Variants in WWOX observed in about 807,000 individuals in gnomAD.
WWOX encodes WW domain-containing oxidoreductase.
A neutral mutation model predicts 46.2 loss-of-function variants in WWOX; 69 were observed. That is an observed-to-expected ratio of 1.49 (90% CI 1.23 to 1.82). The LOEUF (loss-of-function observed/expected upper bound fraction) is 1.82, where lower values mean the gene tolerates loss of function less well. WWOX is among the 40% of genes most tolerant of loss of function. The pLI, the probability that WWOX is intolerant of heterozygous loss-of-function variation, is 0.00. For missense variants in WWOX, 919 were observed against 542.6 expected (o/e 1.69, Z -6.89); for synonymous variants, 359 against 202.6 (o/e 1.77, Z -6.56).
chr16:78,187,706 C>A (rs897894648), intron 5 of WWOX, among the ~76,000 whole-genome samples: 1 of 152,180 alleles, frequency 6.6e-6, no homozygotes, highest in Non-Finnish European at 1.5e-5. Context: ...TAACAGAAAT[C>A]GGTTCCTTAA....
intron 3 of WWOX, 83 bp downstream of exon 3, chr16:78,109,918 G>C: frequency 7.0e-7 from 1 of 1,426,666 alleles, no homozygotes; most frequent in East Asian, 2.4e-5. Context: ...CATAGTAACT[G>C]TAGAAAAATA....
At chr16:78,330,688 C>T (rs2080735493) in intron 5 of WWOX, among the ~76,000 whole-genome samples, 1 of 152,218 alleles carries the variant, frequency 6.6e-6, no homozygotes, top group Non-Finnish European at 1.5e-5. Flanking sequence ...AACCACCGTG[C>T]CCGGCAGGGA....
At chr16:79,186,170 G>C (rs1460799348) in intron 8 of WWOX, among the ~76,000 whole-genome samples, 1 of 152,086 alleles carries the variant, frequency 6.6e-6, no homozygotes, top group Non-Finnish European at 1.5e-5. Context: ...ACTTATTTGG[G>C]GTGGCTGAGA....
At chr16:78,275,814 TG>T (rs1218452783) in intron 5 of WWOX, among the ~76,000 whole-genome samples, 1 of 152,148 alleles carries the variant, frequency 6.6e-6, no homozygotes, top group Non-Finnish European at 1.5e-5. Flanking sequence ...CAAACCAGTT[TG>T]GGTGAATTTC....
In WWOX at chr16:78,345,020, G is replaced by C. The variant is rs1402027057; in HGVS notation, c.517-41840G>C. Among the ~76,000 whole-genome samples, 4 of 119,998 alleles carry C rather than the reference G, an allele frequency of 3.3e-5. 1 individual carries two copies. The highest frequency in any genetic ancestry group is 7.9e-5 in the Non-Finnish European group (4 of 50,498). The allele number at this position is 119,998 out of a possible 152,430, so 78.7% of individuals were successfully genotyped here. A position where few individuals can be genotyped will look rare whatever the true frequency, so the allele number is the denominator to read the frequency against. ...CGGGAGTTTAGCCTAGTCCCCACTT[G>C]ATAAGATGGTTGTGGAAAGTATTGT... On this transcript the variant is annotated intron_variant, in intron 5 of 8. Transcript: ENST00000566780.
At chr16:79,114,401 TATGCACATACCTACATGC>T (rs1322597974) in intron 8 of WWOX, among the ~76,000 whole-genome samples, 65 of 151,750 alleles carry the variant, frequency 4.3e-4, no homozygotes, top group East Asian at 3.4e-3. Context: ...TATCTACATG[TATGCACATACCTACATGC>T]ATGCACATAC....
At chr16:78,243,164 A>G (rs564054245) in intron 5 of WWOX, among the ~76,000 whole-genome samples, 2 of 152,202 alleles carry the variant, frequency 1.3e-5, no homozygotes, top group South Asian at 4.1e-4. Flanking sequence ...TGTTTTTGAA[A>G]TACAAATATC....
intron 5 of WWOX, among the ~76,000 whole-genome samples, chr16:78,321,163 C>A (rs1465200390): frequency 6.6e-6 from 1 of 151,736 alleles, no homozygotes; most frequent in Admixed American, 6.6e-5. Context: ...ATGTATAGGC[C>A]TTAATTGAAA....
rs530125350 is a variant in WWOX, at chr16:78,635,725, A to G, written c.1056+202973A>G. On this transcript the variant is annotated intron_variant, in intron 8 of 8. Transcript: ENST00000566780. ...GTCAACATCATCTCCGTCCACATCA[A>G]TGTCGTCATCGTCCTTATGAAAAGC... 4.6e-5 allele frequency among the ~76,000 whole-genome samples: 7 copies of G among 152,266 alleles called. No individual in the cohort carries two copies. The East Asian group carries it at 9.7e-4, about 21-fold the overall frequency.
rs140275478 is a variant in WWOX, at chr16:78,347,151, T to C, written c.517-39709T>C. 1.2e-4 allele frequency among the ~76,000 whole-genome samples: 14 copies of C among 119,168 alleles called. No homozygotes were observed. In the East Asian group the frequency reaches 2.7e-3, roughly 23 times the overall value. 78.2% of individuals were successfully genotyped at this position (119,168 alleles called of 152,430 possible). On this transcript the variant is annotated intron_variant, in intron 5 of 8. Coordinates refer to ENST00000566780, the MANE Select transcript of WWOX (RefSeq NM_016373.4). ...TGCAGTCATCGTCACAATCAAGCCA[T>C]AGCTTCTTTTAAACTTTGTCTTCCT...
At chr16:79,054,583 C>T (rs28439411) in intron 8 of WWOX, among the ~76,000 whole-genome samples, 6 of 152,142 alleles carry the variant, frequency 3.9e-5, no homozygotes, top group South Asian at 2.1e-4. Flanking sequence ...ACACTTGGGG[C>T]GGTCAAGGTG....
chr16:78,987,056 C>T (rs112994898), intron 8 of WWOX, among the ~76,000 whole-genome samples: 2 of 152,080 alleles, frequency 1.3e-5, no homozygotes, highest in African/African-American at 4.8e-5. Context: ...TCTTAAAGGA[C>T]ACAGCGCCAT....
rs1162203889 is a variant in WWOX at position 78,247,127 on chromosome 16, C to G, written c.516+82838C>G. Among the ~76,000 whole-genome samples, 4 of 152,194 alleles carry G rather than the reference C, an allele frequency of 2.6e-5. No individual in the cohort carries two copies. The South Asian group carries it at 8.3e-4, about 32-fold the overall frequency. On this transcript the variant is annotated intron_variant, in intron 5 of 8. Coordinates refer to ENST00000566780, the MANE Select transcript of WWOX (RefSeq NM_016373.4). ...AGGATTTCTGCCCTTCCCCAGCCCCCTTTTTTTCAGCCCTTCAGAGAATAT... is the reference window on the plus strand; with the variant it reads ...AGGATTTCTGCCCTTCCCCAGCCCCGTTTTTTTCAGCCCTTCAGAGAATAT...
chr16:78,734,252 G>C (rs1443303765), intron 8 of WWOX, among the ~76,000 whole-genome samples: 1 of 151,864 alleles, frequency 6.6e-6, no homozygotes, highest in Non-Finnish European at 1.5e-5. Flanking sequence ...TTTTTTATAA[G>C]TGCAAGGATT....
intron 8 of WWOX, among the ~76,000 whole-genome samples, chr16:78,926,520 G>T (rs1197744568): frequency 6.6e-6 from 1 of 152,224 alleles, no homozygotes; most frequent in African/African-American, 2.4e-5. Flanking sequence ...GGATGGCGAA[G>T]TCGCAGCCAT....
At chr16:79,022,002 T>C (rs2047543448) in intron 8 of WWOX, among the ~76,000 whole-genome samples, 1 of 152,156 alleles carries the variant, frequency 6.6e-6, no homozygotes. Context: ...GGATAAATGA[T>C]AGGGATTGAT....
chr16:78,169,847 C>T (rs1411185274), intron 5 of WWOX, among the ~76,000 whole-genome samples: 1 of 152,070 alleles, frequency 6.6e-6, no homozygotes, highest in East Asian at 1.9e-4. Flanking sequence ...ACCAATGTTC[C>T]TCATGCCTGC....
Position 78,290,891 on chromosome 16 carries a change from G to A in WWOX, c.517-95969G>A, listed in dbSNP as rs896714773. Among the ~76,000 whole-genome samples, 3 of 152,098 alleles carry A rather than the reference G, an allele frequency of 2.0e-5. No individual in the cohort carries two copies. In the South Asian group the frequency reaches 6.2e-4, roughly 32 times the overall value. ...GTTATGAGAAGGCTTATATTATTTC[G>A]TTGCTAAGGCAAAGTTTAATTTTGC... On this transcript the variant is annotated intron_variant, in intron 5 of 8. Coordinates refer to ENST00000566780, the MANE Select transcript of WWOX (RefSeq NM_016373.4).
At chr16:78,329,222 C>T (rs777187479) in intron 5 of WWOX, among the ~76,000 whole-genome samples, 4 of 152,206 alleles carry the variant, frequency 2.6e-5, no homozygotes, top group Middle Eastern at 3.4e-3. Flanking sequence ...CCCATGGTAT[C>T]GGTGGACTGA....
Sources: allele counts gnomAD v4.1 joint callset (sites outside exome capture counted in the v4.1 genomes callset), GRCh38; gene constraint gnomAD v4.1.1; transcripts MANE v1.5; gene names NCBI Gene and HGNC (gene_info 2026-07-23, HGNC 2026-07-21).